Variants in WWOX observed in about 807,000 individuals in gnomAD.
The protein encoded by WWOX is WW domain-containing oxidoreductase.
WWOX carries 69 observed loss-of-function variants against 46.2 expected under a neutral mutation model. The ratio of observed to expected loss-of-function variants is 1.49; its 90% CI spans 1.23 to 1.82. The LOEUF (loss-of-function observed/expected upper bound fraction) is 1.82, where lower values mean the gene tolerates loss of function less well. WWOX is among the 40% of genes most tolerant of loss of function. The pLI is 0.00. For missense variants in WWOX, 919 were observed against 542.6 expected (o/e 1.69, Z -6.89); for synonymous variants, 359 against 202.6 (o/e 1.77, Z -6.56).
chr16:78,348,218 C>T (rs12927151), intron 5 of WWOX, among the ~76,000 whole-genome samples: 3,496 of 121,204 alleles, frequency 0.029, 1,108 homozygotes, highest in Non-Finnish European at 0.052. Flanking sequence ...GGCAGAAGCC[C>T]AGAAGAGACT....
intron 8 of WWOX, among the ~76,000 whole-genome samples, chr16:78,983,949 C>G (rs1385425557): frequency 7.3e-6 from 1 of 136,784 alleles, no homozygotes; most frequent in Admixed American, 8.2e-5. Context: ...GCAGTCTCAG[C>G]TGACTGCAAG....
intron 8 of WWOX, among the ~76,000 whole-genome samples, chr16:78,767,186 T>A (rs1198762686): frequency 6.6e-6 from 1 of 150,902 alleles, no homozygotes; most frequent in African/African-American, 2.4e-5. Context: ...AGTGGCACAA[T>A]CAAAGCTCAC....
chr16:78,441,463 A>G (rs964146475), intron 8 of WWOX, among the ~76,000 whole-genome samples: 1 of 152,122 alleles, frequency 6.6e-6, no homozygotes, highest in African/African-American at 2.4e-5. Flanking sequence ...AGGCAAGGAG[A>G]CCTGCTGAGA....
chr16:79,024,711 A>T (rs551252592), intron 8 of WWOX, among the ~76,000 whole-genome samples: 3 of 152,126 alleles, frequency 2.0e-5, no homozygotes, highest in Non-Finnish European at 4.4e-5. Context: ...CTGGGATTAC[A>T]GGCATGAGCC....
chr16:79,133,471 C>T (rs917461609), intron 8 of WWOX, among the ~76,000 whole-genome samples: 6 of 152,182 alleles, frequency 3.9e-5, no homozygotes, highest in African/African-American at 1.2e-4. Flanking sequence ...AGTACGGTCT[C>T]TAACAGTAAA....
intron 8 of WWOX, among the ~76,000 whole-genome samples, chr16:78,973,599 C>G (rs920750004): frequency 1.5e-4 from 23 of 152,102 alleles, no homozygotes; most frequent in African/African-American, 4.3e-4. Flanking sequence ...GTCTCAGTCT[C>G]TCAAACTGTA....
intron 8 of WWOX, among the ~76,000 whole-genome samples, chr16:78,494,250 G>A (rs935844430): frequency 3.3e-5 from 5 of 152,132 alleles, no homozygotes; most frequent in African/African-American, 1.2e-4. Context: ...TCATGATCCC[G>A]TCTAGTTCCT....
chr16:79,062,044 C>T (rs2048365952), intron 8 of WWOX, among the ~76,000 whole-genome samples: 1 of 152,106 alleles, frequency 6.6e-6, no homozygotes, highest in Non-Finnish European at 1.5e-5. Flanking sequence ...TTGTGATGCC[C>T]TTATCAGCAA....
intron 4 of WWOX, among the ~76,000 whole-genome samples, chr16:78,152,347 G>A (rs2034445584): frequency 6.6e-6 from 1 of 151,976 alleles, no homozygotes; most frequent in Admixed American, 6.6e-5. Flanking sequence ...ATTGCAGTCT[G>A]TCGTAGATAA....
At chr16:78,645,745 A>G (rs963561830) in intron 8 of WWOX, among the ~76,000 whole-genome samples, 3 of 152,152 alleles carry the variant, frequency 2.0e-5, no homozygotes, top group Admixed American at 6.5e-5. Flanking sequence ...GGCCTCCAAC[A>G]TTGGAGATCA....
intron 8 of WWOX, among the ~76,000 whole-genome samples, chr16:78,543,527 G>A (rs1398865073): frequency 6.6e-6 from 1 of 152,186 alleles, no homozygotes; most frequent in Non-Finnish European, 1.5e-5. Context: ...AGAAGTTTGG[G>A]CCCTAACATG....
intron 8 of WWOX, among the ~76,000 whole-genome samples, chr16:78,799,333 A>T (rs1039576105): frequency 3.9e-5 from 6 of 152,162 alleles, no homozygotes; most frequent in African/African-American, 1.4e-4. Context: ...AACAAAAATC[A>T]CTTTTAAAAA....
At chr16:78,536,482 A>C (rs933785571) in intron 8 of WWOX, among the ~76,000 whole-genome samples, 3 of 151,962 alleles carry the variant, frequency 2.0e-5, no homozygotes, top group African/African-American at 7.3e-5. Flanking sequence ...TCTCTGCTTT[A>C]GGTCCTCTCT....
At chr16:78,206,614 C>A (rs904813589) in intron 5 of WWOX, among the ~76,000 whole-genome samples, 18 of 152,146 alleles carry the variant, frequency 1.2e-4, no homozygotes, top group Admixed American at 9.8e-4. Flanking sequence ...ATTTTTAATT[C>A]TGGTTTAAGA....
At chr16:78,170,504 C>T (rs1314340228) in intron 5 of WWOX, among the ~76,000 whole-genome samples, 3 of 152,202 alleles carry the variant, frequency 2.0e-5, no homozygotes, top group African/African-American at 2.4e-5. Context: ...CTTAACCTCT[C>T]CAACTGGCTG....
chr16:78,963,955 G>A (rs1286633336), intron 8 of WWOX, among the ~76,000 whole-genome samples: 1 of 152,082 alleles, frequency 6.6e-6, no homozygotes, highest in Non-Finnish European at 1.5e-5. Flanking sequence ...AATTTATCAG[G>A]GGTTTCTGCA....
intron 8 of WWOX, among the ~76,000 whole-genome samples, chr16:78,710,424 G>C (rs972012032): frequency 1.5e-5 from 2 of 135,410 alleles, no homozygotes; most frequent in African/African-American, 5.5e-5. Flanking sequence ...ACACCAGTGG[G>C]ATGCAAGAAT....
intron 8 of WWOX, among the ~76,000 whole-genome samples, chr16:78,889,315 A>T (rs11641087): frequency 0.34 from 51,632 of 149,858 alleles, 10,391 homozygotes; most frequent in Non-Finnish European, 0.44. Flanking sequence ...AATGCTTTCT[A>T]TCTGGCTTTT....
chr16:78,182,043 A>G (rs1367842782), intron 5 of WWOX, among the ~76,000 whole-genome samples: 2 of 152,166 alleles, frequency 1.3e-5, no homozygotes. Context: ...GAGCTGTAAA[A>G]TGTGTTATGG....
Sources: allele counts gnomAD v4.1 joint callset (sites outside exome capture counted in the v4.1 genomes callset), GRCh38; gene constraint gnomAD v4.1.1; transcripts MANE v1.5; gene names NCBI Gene and HGNC (gene_info 2026-07-23, HGNC 2026-07-21).